GPM6B: variants seen among roughly 807,000 people sequenced by gnomAD.
GPM6B encodes the protein neuronal membrane glycoprotein M6-b.
Under a neutral mutation model 27.2 loss-of-function variants are expected in GPM6B, and 4 were observed. That is an observed-to-expected ratio of 0.15 (90% CI 0.07 to 0.34). The LOEUF (loss-of-function observed/expected upper bound fraction) is 0.34, where lower values mean the gene tolerates loss of function less well. GPM6B is among the 10% of genes least tolerant of loss of function. The pLI, the probability that GPM6B is intolerant of heterozygous loss-of-function variation, is 1.00. For missense variants in GPM6B, 183 were observed against 261.9 expected, an observed-to-expected ratio of 0.70 and a Z score of 2.08; for synonymous variants, 124 against 103.1, an observed-to-expected ratio of 1.20 and a Z score of -1.23.
chrX:13,787,985 C>T (rs773946116), intron 2 of GPM6B, among the ~76,000 whole-genome samples: 2 of 112,110 alleles, frequency 1.8e-5, no homozygotes, highest in South Asian at 3.7e-4. Context: ...TAGCTATTTA[C>T]GTTTATTTAA....
chrX:13,802,621 A>T (rs1223499971), intron 2 of GPM6B, among the ~76,000 whole-genome samples: 2 of 111,360 alleles, frequency 1.8e-5, no homozygotes, highest in Non-Finnish European at 3.8e-5. Flanking sequence ...ACTGCTGTAT[A>T]TGGCACTTTT....
At chrX:13,875,958 T>C (rs1181494091) in intron 1 of GPM6B, among the ~76,000 whole-genome samples, 1 of 112,400 alleles carries the variant, frequency 8.9e-6, no homozygotes, top group African/African-American at 3.2e-5. Flanking sequence ...TTGTACAACA[T>C]TGTGAATGTA....
intron 1 of GPM6B, among the ~76,000 whole-genome samples, chrX:13,935,018 T>C (rs7049519): frequency 0.019 from 2,091 of 111,568 alleles, 41 homozygotes; most frequent in African/African-American, 0.064. Context: ...ACAAGATCGC[T>C]AGATGATCTG....
intron 1 of GPM6B, among the ~76,000 whole-genome samples, chrX:13,893,016 C>A: frequency 8.9e-6 from 1 of 111,845 alleles, no homozygotes. Flanking sequence ...GTGACTTGAG[C>A]AAGACCATGA....
intron 1 of GPM6B, among the ~76,000 whole-genome samples, chrX:13,843,860 C>T (rs2049611529): frequency 9.0e-6 from 1 of 111,684 alleles, no homozygotes; most frequent in African/African-American, 3.3e-5. Flanking sequence ...TGTGAGTTCT[C>T]TTTTTACTTT....
At chrX:13,858,138 T>C (rs1328266288) in intron 1 of GPM6B, among the ~76,000 whole-genome samples, 2 of 112,265 alleles carry the variant, frequency 1.8e-5, no homozygotes, top group Non-Finnish European at 1.9e-5. Flanking sequence ...TGTGTGCTTG[T>C]GATAAGGCAT....
At chrX:13,852,363 GCCT>G (rs1469868100) in intron 1 of GPM6B, among the ~76,000 whole-genome samples, 14 of 110,994 alleles carry the variant, frequency 1.3e-4, no homozygotes, top group Non-Finnish European at 3.8e-5. Flanking sequence ...CAAGCAGACT[GCCT>G]CCTCTCAGCT....
chrX:13,914,595 T>C (rs1316214858), intron 1 of GPM6B, among the ~76,000 whole-genome samples: 1 of 112,753 alleles, frequency 8.9e-6, no homozygotes, highest in African/African-American at 3.2e-5. Context: ...CTGACCCCTT[T>C]GGGGAGGAGT....
At chrX:13,862,520 AGAT>A (rs1019692457) in intron 1 of GPM6B, among the ~76,000 whole-genome samples, 1 of 111,680 alleles carries the variant, frequency 9.0e-6, no homozygotes, top group Non-Finnish European at 1.9e-5. Flanking sequence ...TCATAACATT[AGAT>A]GACAGGAGCA....
At chrX:13,817,288 G>GATCTCA, upstream of GPM6B, 11 of 782,452 alleles carry the variant, frequency 1.4e-5, no homozygotes, top group South Asian at 6.7e-5. Context: ...TCTTTCTTAA[G>GATCTCA]ATCTCAATCT....
chrX:13,777,295 G>A, intron 6 of GPM6B, 57 bp downstream of exon 6: 4 of 837,218 alleles, frequency 4.8e-6, no homozygotes, highest in Non-Finnish European at 7.2e-6. Context: ...ACAGCTGGGA[G>A]AACCCTTTTT....
intron 1 of GPM6B, among the ~76,000 whole-genome samples, chrX:13,815,609 TTTATG>T (rs2147196391): frequency 9.0e-6 from 1 of 111,665 alleles, no homozygotes; most frequent in African/African-American, 3.3e-5. Context: ...AATGGTAAAT[TTTATG>T]TTATGTGTAT....
At chrX:13,911,194 T>C (rs1337809408) in intron 1 of GPM6B, among the ~76,000 whole-genome samples, 1 of 112,282 alleles carries the variant, frequency 8.9e-6, no homozygotes, top group Non-Finnish European at 1.9e-5. Context: ...CCGATCTTCA[T>C]GTTAGCATTG....
chrX:13,935,611 A>C (rs539724521), intron 1 of GPM6B, among the ~76,000 whole-genome samples: 107 of 111,953 alleles, frequency 9.6e-4, no homozygotes, highest in Middle Eastern at 4.7e-3. Context: ...CAGCTTGGAT[A>C]TTCCACAAAT....
At chrX:13,805,435 T>G (rs2049004195) in intron 2 of GPM6B, among the ~76,000 whole-genome samples, 3 of 112,469 alleles carry the variant, frequency 2.7e-5, no homozygotes, top group African/African-American at 9.7e-5. Flanking sequence ...ATTAATGAGT[T>G]AGATCTGCAG....
chrX:13,810,787 C>T (rs954688235), intron 1 of GPM6B, among the ~76,000 whole-genome samples: 4 of 108,091 alleles, frequency 3.7e-5, no homozygotes, highest in Admixed American at 3.0e-4. Context: ...GAAGACACAC[C>T]GATGGGATCG....
At position 13,812,044 on chromosome X, in the gene GPM6B, C is replaced by CTTTTTTTTTTTT. The variant is rs752162419; in HGVS notation, c.62-4276_62-4275insAAAAAAAAAAAA. On this transcript the variant is annotated intron_variant, in intron 1 of 7. Transcript: ENST00000316715. ...TTTCAAAGGAGAACACTTTTCTTTT[C>CTTTTTTTTTTTT]TTTCTTTTTTTTTTTTTTTTTTTGA... 7.1e-4 allele frequency among the ~76,000 whole-genome samples: 59 copies of CTTTTTTTTTTTT among 82,650 alleles called. 4 individuals are homozygous for CTTTTTTTTTTTT. The highest frequency in any genetic ancestry group is 8.9e-4 in the Non-Finnish European group (39 of 43,951). 71.8% of individuals were successfully genotyped at this position (82,650 alleles called of 115,157 possible).
Position 13,919,404 on chromosome X carries a change from G to GA in GPM6B, c.-198+18922dup, listed in dbSNP as rs777162931. Among the ~76,000 whole-genome samples the GA allele has an allele frequency of 9.7e-4, 108 of 111,700 alleles. 1 individual carries two copies. The Middle Eastern group carries it at 0.024, about 24-fold the overall frequency. ...TGTTTAACAGTTTTACATAAACAAT[G>GA]AAAAAATAAGACTTTCAAACAACCT... On this transcript the variant is annotated intron_variant, in intron 1 of 6. Transcript: ENST00000398361.
At chrX:13,828,679 T>A (rs2049404713) in intron 1 of GPM6B, among the ~76,000 whole-genome samples, 1 of 111,169 alleles carries the variant, frequency 9.0e-6, no homozygotes, top group African/African-American at 3.3e-5. Context: ...GAGGAACCCA[T>A]GGACTGGGCT....
Sources: gnomAD v4.1 joint callset for allele counts (sites outside exome capture counted in the v4.1 genomes callset) on GRCh38, gnomAD v4.1.1 for gene constraint, MANE v1.5 for transcripts, NCBI Gene and HGNC (gene_info 2026-07-23, HGNC 2026-07-21) for gene names.